The following ENTREP2 variants were observed in gnomAD, a reference collection of about 807,000 sequenced individuals.
ENTREP2 encodes endosomal transmembrane epsin interactor 2, also known as protein ENTREP2.
the ENTREP2 span, among the ~76,000 whole-genome samples, chr15:29,602,683 A>G: frequency 6.6e-6 from 1 of 152,124 alleles, no homozygotes; most frequent in Non-Finnish European, 1.5e-5. Flanking sequence ...GATTACAGGC[A>G]TGCACCAACA....
chr15:29,399,472 T>C, the ENTREP2 span, among the ~76,000 whole-genome samples: 1 of 152,288 alleles, frequency 6.6e-6, no homozygotes, highest in East Asian at 1.9e-4. Flanking sequence ...AATAAAGTGA[T>C]CACCTAATTA....
the ENTREP2 span, among the ~76,000 whole-genome samples, chr15:29,598,846 G>A: frequency 6.4e-4 from 97 of 152,198 alleles, no homozygotes; most frequent in Non-Finnish European, 1.1e-3. Context: ...ACAGGCGCCC[G>A]CCACCGCGCC....
the ENTREP2 span, among the ~76,000 whole-genome samples, chr15:29,299,823 C>G: frequency 5.3e-5 from 8 of 151,982 alleles, no homozygotes; most frequent in Non-Finnish European, 1.2e-4. Context: ...TAATAAAGCA[C>G]ACAAACATTA....
the ENTREP2 span, among the ~76,000 whole-genome samples, chr15:29,138,542 T>G: frequency 2.0e-5 from 3 of 150,554 alleles, no homozygotes; most frequent in Admixed American, 2.0e-4. Context: ...ATGTGTGTGT[T>G]GTGTGTGTGT....
the ENTREP2 span, among the ~76,000 whole-genome samples, chr15:29,310,850 G>C: frequency 6.6e-6 from 1 of 152,164 alleles, no homozygotes; most frequent in Admixed American, 6.5e-5. Context: ...ACAAGACTAT[G>C]ATGAAAAGAA....
chr15:29,301,849 G>A, the ENTREP2 span, among the ~76,000 whole-genome samples: 1 of 152,304 alleles, frequency 6.6e-6, no homozygotes, highest in African/African-American at 2.4e-5. Flanking sequence ...ACCATGTGAG[G>A]ACACAGCGAG....
the ENTREP2 span, among the ~76,000 whole-genome samples, chr15:29,587,492 GT>G: frequency 6.6e-6 from 1 of 152,072 alleles, no homozygotes; most frequent in Non-Finnish European, 1.5e-5. Context: ...TACCAAATAT[GT>G]TTAAATTCAG....
chr15:29,381,455 CAAAAAAA>C, the ENTREP2 span, among the ~76,000 whole-genome samples: 1,061 of 44,270 alleles, frequency 0.024, 3 homozygotes, highest in Admixed American at 0.037. Context: ...GACTCTGTCT[CAAAAAAA>C]AAAAAAAAAA....
At chr15:29,463,738 T>A in the ENTREP2 span, among the ~76,000 whole-genome samples, 8 of 152,090 alleles carry the variant, frequency 5.3e-5, no homozygotes, top group Non-Finnish European at 1.2e-4. Flanking sequence ...GCAGGAGCTC[T>A]AACAGATATC....
chr15:29,672,933 TGAGCTGCTC>T, the ENTREP2 span, among the ~76,000 whole-genome samples: 1 of 152,148 alleles, frequency 6.6e-6, no homozygotes, highest in South Asian at 2.1e-4. Context: ...GGCAGTGGCA[TGAGCTGCTC>T]GAGGGAGTAT....
the ENTREP2 span, among the ~76,000 whole-genome samples, chr15:29,255,543 G>C: frequency 6.6e-6 from 1 of 151,992 alleles, no homozygotes; most frequent in South Asian, 2.1e-4. Flanking sequence ...AAAATACATT[G>C]TTTTGCCAAA....
At chr15:29,474,930 T>C in the ENTREP2 span, among the ~76,000 whole-genome samples, 1 of 152,118 alleles carries the variant, frequency 6.6e-6, no homozygotes, top group East Asian at 1.9e-4. Flanking sequence ...TTCCTAGTTT[T>C]ATTCATAGAA....
chr15:29,633,394 T>C, the ENTREP2 span, among the ~76,000 whole-genome samples: 1 of 152,196 alleles, frequency 6.6e-6, no homozygotes, highest in Non-Finnish European at 1.5e-5. Flanking sequence ...ATAAGATGTA[T>C]TTTATGTCAA....
the ENTREP2 span, among the ~76,000 whole-genome samples, chr15:29,127,929 G>A: frequency 6.6e-6 from 1 of 152,172 alleles, no homozygotes; most frequent in Non-Finnish European, 1.5e-5. Context: ...GCCTCTGATG[G>A]CTTGGAGTGA....
chr15:29,635,006 G>A, the ENTREP2 span, among the ~76,000 whole-genome samples: 3 of 152,200 alleles, frequency 2.0e-5, no homozygotes, highest in Non-Finnish European at 4.4e-5. Flanking sequence ...CACCACACCC[G>A]GCTATTCTTT....
At chr15:29,171,024 G>A in the ENTREP2 span, among the ~76,000 whole-genome samples, 1 of 152,218 alleles carries the variant, frequency 6.6e-6, no homozygotes, top group Non-Finnish European at 1.5e-5. Context: ...AAGTGAGTGT[G>A]TGAGACAGAG....
chr15:29,270,512 T>G, the ENTREP2 span, among the ~76,000 whole-genome samples: 1 of 152,212 alleles, frequency 6.6e-6, no homozygotes, highest in African/African-American at 2.4e-5. Flanking sequence ...AACCACAATT[T>G]TAGCAGAAAT....
At chr15:29,403,056 T>C in the ENTREP2 span, among the ~76,000 whole-genome samples, 2 of 151,994 alleles carry the variant, frequency 1.3e-5, no homozygotes, top group African/African-American at 2.4e-5. Context: ...CCAGTCTGAG[T>C]GAGAGGCAGC....
At chr15:29,672,704 A>G in the ENTREP2 span, among the ~76,000 whole-genome samples, 1 of 152,090 alleles carries the variant, frequency 6.6e-6, no homozygotes, top group East Asian at 1.9e-4. Context: ...GAGTTTTATT[A>G]CTACTCAAAC....
Sources: gnomAD v4.1 joint callset for allele counts (sites outside exome capture counted in the v4.1 genomes callset) on GRCh38, gnomAD v4.1.1 for gene constraint, MANE v1.5 for transcripts, NCBI Gene and HGNC (gene_info 2026-07-23, HGNC 2026-07-21) for gene names.